The following DGKI variants were observed in gnomAD, a reference collection of about 807,000 sequenced individuals.
DGKI encodes diacylglycerol kinase iota, also known as DAG kinase iota.
In DGKI, 55 loss-of-function variants were observed where a neutral mutation model predicts 147.5. The ratio of observed to expected loss-of-function variants is 0.37; its 90% CI spans 0.30 to 0.47. DGKI has a LOEUF of 0.47. Ranked by LOEUF, DGKI falls within the 20% of genes least tolerant of loss-of-function variation. DGKI has a pLI of 1.00. For synonymous variants in DGKI, 469 were observed against 477.1 expected (o/e 0.98, Z 0.22); for missense variants, 1,007 against 1,323.8 (o/e 0.76, Z 3.71).
chr7:137,505,749 T>C lies in DGKI; in HGVS notation c.2248+16117A>G, dbSNP rs187771861. Among the ~76,000 whole-genome samples, 240 of 133,484 alleles carry C rather than the reference T, an allele frequency of 1.8e-3. 1 individual carries two copies. Among genetic ancestry groups the C allele is most frequent in the African/African-American group, 5.9e-3 (210 of 35,840 alleles). 87.6% of individuals were successfully genotyped at this position (133,484 alleles called of 152,430 possible). On this transcript the variant is annotated intron_variant, in intron 21 of 32. Coordinates refer to ENST00000614521, the MANE Select transcript of DGKI (RefSeq NM_001321708.2). ...AAAAGACTGGTACCCAAAAAATACA[T>C]AGAATTCTTAAAACCCAACAATAAG...
intron 1 of DGKI, among the ~76,000 whole-genome samples, chr7:137,741,336 C>T (rs2116707627): frequency 6.6e-6 from 1 of 152,342 alleles, no homozygotes; most frequent in Admixed American, 6.5e-5. Context: ...TCACACAAAC[C>T]TGACATTTAC....
intron 21 of DGKI, among the ~76,000 whole-genome samples, chr7:137,496,604 A>G (rs1815974902): frequency 6.6e-6 from 1 of 152,050 alleles, no homozygotes; most frequent in Non-Finnish European, 1.5e-5. Flanking sequence ...AAAAACAGAC[A>G]CAGACAAATC....
intron 1 of DGKI, among the ~76,000 whole-genome samples, chr7:137,844,488 G>C (rs1007494533): frequency 6.6e-6 from 1 of 152,204 alleles, no homozygotes; most frequent in Non-Finnish European, 1.5e-5. Flanking sequence ...GTCTAGGGTG[G>C]TGAGCACTTT....
chr7:137,422,771 A>T (rs1412886278), intron 28 of DGKI, among the ~76,000 whole-genome samples: 1 of 151,218 alleles, frequency 6.6e-6, no homozygotes, highest in Non-Finnish European at 1.5e-5. Context: ...CACCTGGCTA[A>T]TTTTTTGTAT....
At chr7:137,771,216 G>A (rs1163029291) in intron 1 of DGKI, among the ~76,000 whole-genome samples, 1 of 152,094 alleles carries the variant, frequency 6.6e-6, no homozygotes, top group Non-Finnish European at 1.5e-5. Context: ...TCAGCCTCCT[G>A]AGTAGCTAGG....
intron 30 of DGKI, among the ~76,000 whole-genome samples, chr7:137,404,895 A>G (rs1344736155): frequency 6.6e-6 from 1 of 152,108 alleles, no homozygotes; most frequent in African/African-American, 2.4e-5. Context: ...TTAGGTTTTG[A>G]TCAAGGCCCT....
At chr7:137,531,803 A>G (rs1019844328) in intron 20 of DGKI, among the ~76,000 whole-genome samples, 3 of 152,222 alleles carry the variant, frequency 2.0e-5, no homozygotes, top group Non-Finnish European at 2.9e-5. Flanking sequence ...TATTTTAAAA[A>G]TGTCATTTCA....
chr7:137,469,789 T>A (rs1264832098), intron 23 of DGKI, among the ~76,000 whole-genome samples, 170 bp from the exon 24 acceptor site: 6 of 152,214 alleles, frequency 3.9e-5, no homozygotes, highest in Non-Finnish European at 5.9e-5. Context: ...TTCTTTCACA[T>A]AGAACTTTTG....
intron 27 of DGKI, among the ~76,000 whole-genome samples, chr7:137,450,291 T>G (rs1386182600): frequency 2.0e-5 from 3 of 152,240 alleles, no homozygotes; most frequent in Non-Finnish European, 4.4e-5. Context: ...CTAAGTGCTC[T>G]CACAATAAAA....
intron 1 of DGKI, among the ~76,000 whole-genome samples, chr7:137,780,330 T>C (rs1796482690): frequency 6.6e-6 from 1 of 152,220 alleles, no homozygotes; most frequent in Non-Finnish European, 1.5e-5. Context: ...GCTAAACTTG[T>C]AATACTTTGA....
At chr7:137,637,628 T>C (rs1489345781) in intron 6 of DGKI, among the ~76,000 whole-genome samples, 2 of 152,226 alleles carry the variant, frequency 1.3e-5, no homozygotes, top group South Asian at 2.1e-4. Flanking sequence ...TCCTGCCCTA[T>C]AGGGAGTGAA....
At chr7:137,628,860 C>T (rs769031451) in intron 6 of DGKI, among the ~76,000 whole-genome samples, 21 of 152,044 alleles carry the variant, frequency 1.4e-4, no homozygotes, top group Non-Finnish European at 2.5e-4. Context: ...TACCAGAGGG[C>T]ACTCAGTTTT....
intron 10 of DGKI, among the ~76,000 whole-genome samples, chr7:137,600,545 C>T (rs1420592504): frequency 6.6e-6 from 1 of 151,938 alleles, no homozygotes; most frequent in East Asian, 1.9e-4. Flanking sequence ...ATGCAGTAAG[C>T]CCTTAATGAA....
chr7:137,408,683 TGTA>T (rs1207020928), intron 29 of DGKI, among the ~76,000 whole-genome samples: 2 of 151,886 alleles, frequency 1.3e-5, no homozygotes, highest in Non-Finnish European at 2.9e-5. Context: ...ATTCAGAAAA[TGTA>T]GTAGTTTCTA....
chr7:137,464,962 T>C (rs1814598597), intron 26 of DGKI, among the ~76,000 whole-genome samples: 1 of 152,226 alleles, frequency 6.6e-6, no homozygotes, highest in Admixed American at 6.5e-5. Context: ...TCTGTTTTTA[T>C]TTTTGTACTG....
intron 1 of DGKI, among the ~76,000 whole-genome samples, chr7:137,706,851 C>T (rs1298162006): frequency 6.6e-6 from 1 of 152,122 alleles, no homozygotes; most frequent in Non-Finnish European, 1.5e-5. Flanking sequence ...GGATTACAGG[C>T]GTGAGCCACC....
At chr7:137,752,721 A>T (rs1325213086) in intron 1 of DGKI, among the ~76,000 whole-genome samples, 3 of 151,776 alleles carry the variant, frequency 2.0e-5, no homozygotes, top group African/African-American at 7.3e-5. Context: ...TCTCACATGG[A>T]CCCCCTTAGA....
chr7:137,726,227 A>G (rs1057350690), intron 1 of DGKI, among the ~76,000 whole-genome samples: 1 of 152,114 alleles, frequency 6.6e-6, no homozygotes, highest in African/African-American at 2.4e-5. Flanking sequence ...ACAATCAATG[A>G]TGAATGAATG....
At chr7:137,472,923 A>C (rs1164499897) in intron 23 of DGKI, among the ~76,000 whole-genome samples, 1 of 152,150 alleles carries the variant, frequency 6.6e-6, no homozygotes, top group Non-Finnish European at 1.5e-5. Context: ...TGTAAAAATC[A>C]ATGGAAAAAA....
Sources: gnomAD v4.1 joint callset for allele counts (sites outside exome capture counted in the v4.1 genomes callset) on GRCh38, gnomAD v4.1.1 for gene constraint, MANE v1.5 for transcripts, NCBI Gene and HGNC (gene_info 2026-07-23, HGNC 2026-07-21) for gene names.